The following SLC25A48 variants were observed in gnomAD, a reference collection of about 807,000 sequenced individuals.
SLC25A48 encodes the protein solute carrier family 25 member 48, also known as CTC-321K16.1.
Under a neutral mutation model 32.2 loss-of-function variants are expected in SLC25A48, and 29 were observed. That is an observed-to-expected ratio of 0.90 (90% CI 0.67 to 1.23). SLC25A48 has a LOEUF of 1.23. Among genes scored for constraint, SLC25A48 ranks in the 50% most tolerant of loss-of-function variants. SLC25A48 has a pLI of 0.00. For missense variants in SLC25A48, 399 were observed against 422.7 expected (o/e 0.94, Z 0.49); for synonymous variants, 164 against 172.3 (o/e 0.95, Z 0.38).
intron 1 of SLC25A48, among the ~76,000 whole-genome samples, chr5:135,626,127 G>A (rs1355876883): frequency 6.6e-6 from 1 of 152,236 alleles, no homozygotes; most frequent in Non-Finnish European, 1.5e-5. Context: ...GCGAGGCTGG[G>A]ACGCCAAGGG....
At chr5:135,785,673 G>C (rs1446487843) in intron 3 of SLC25A48, among the ~76,000 whole-genome samples, 3 of 150,910 alleles carry the variant, frequency 2.0e-5, no homozygotes, top group African/African-American at 4.9e-5. Context: ...GGAGAGGGGG[G>C]TGGAACACCC....
At position 135,646,678 on chromosome 5, in the gene SLC25A48, T is replaced by TATATATATATATATACACACAC. The variant is rs966073970; in HGVS notation, c.-521+11723_-521+11724insTATATATATATATACACACACA. Among the ~76,000 whole-genome samples, 6 of 136,752 alleles carry TATATATATATATATACACACAC rather than the reference T, an allele frequency of 4.4e-5. 1 individual carries two copies. The highest frequency in any genetic ancestry group is 1.6e-4 in the African/African-American group (6 of 36,428). The allele number at this position is 136,752 out of a possible 152,430, so 89.7% of individuals were successfully genotyped here. On this transcript the variant is annotated intron_variant, in intron 3 of 10. Transcript: ENST00000646290. ...TTCCCATTATATATATATATATATA[T>TATATATATATATATACACACAC]ACAATGGGAAGGACATAATGCTAAG...
chr5:135,619,402 C>A (rs1387916936), intron 1 of SLC25A48, among the ~76,000 whole-genome samples: 2 of 151,922 alleles, frequency 1.3e-5, no homozygotes, highest in South Asian at 4.2e-4. Context: ...CTCTTTCATA[C>A]CTTATTTTTC....
chr5:135,740,426 C>T (rs1755474565), intron 3 of SLC25A48, among the ~76,000 whole-genome samples: 1 of 152,076 alleles, frequency 6.6e-6, no homozygotes, highest in Non-Finnish European at 1.5e-5. Context: ...AACTCCTGAC[C>T]TCAAGTGATC....
chr5:135,882,599 C>G (rs912404038), intron 7 of SLC25A48, among the ~76,000 whole-genome samples: 3 of 152,156 alleles, frequency 2.0e-5, no homozygotes, highest in African/African-American at 7.2e-5. Flanking sequence ...CTTCCAACAA[C>G]CAGGCATGGA....
intron 3 of SLC25A48, among the ~76,000 whole-genome samples, chr5:135,681,968 A>G (rs1029257794): frequency 2.0e-5 from 3 of 152,280 alleles, no homozygotes; most frequent in Admixed American, 6.5e-5. Flanking sequence ...TCCTGGACTC[A>G]GGTAGTTTCT....
At chr5:135,691,452 G>A (rs573636031) in intron 3 of SLC25A48, among the ~76,000 whole-genome samples, 9 of 152,306 alleles carry the variant, frequency 5.9e-5, no homozygotes, top group Middle Eastern at 3.4e-3. Context: ...GGGCAGCTTG[G>A]TGTTGCTCTA....
intron 3 of SLC25A48, among the ~76,000 whole-genome samples, chr5:135,763,550 G>A (rs577814338): frequency 5.3e-5 from 8 of 152,090 alleles, no homozygotes; most frequent in Admixed American, 3.3e-4. Context: ...AGGAGGAGGG[G>A]AAGAAAGAGG....
rs34345064 is a variant in SLC25A48, at chr5:135,600,848, ATT to A, written c.-849+21265_-849+21266del. Among the ~76,000 whole-genome samples, 933 of 132,826 alleles carry A rather than the reference ATT, an allele frequency of 7.0e-3. 10 individuals are homozygous for A. The highest frequency in any genetic ancestry group is 0.022 in the African/African-American group (825 of 37,064). 87.1% of individuals were successfully genotyped at this position (132,826 alleles called of 152,430 possible). A position where few individuals can be genotyped will look rare whatever the true frequency, so the allele number is the denominator to read the frequency against. On this transcript the variant is annotated intron_variant, in intron 1 of 10. Coordinates refer to the SLC25A48 transcript ENST00000646290. ...CAGGTACGTGCCACCATGCCCGGGTATTTTTTTTTTTTTTTGTATTTTTAGTA... is the reference window on the plus strand; with the variant it reads ...CAGGTACGTGCCACCATGCCCGGGTATTTTTTTTTTTTTGTATTTTTAGTA...
intron 3 of SLC25A48, among the ~76,000 whole-genome samples, chr5:135,639,959 A>G (rs527723121): frequency 6.6e-6 from 1 of 152,306 alleles, no homozygotes; most frequent in South Asian, 2.1e-4. Context: ...AAAAATAAAA[A>G]CCATAAGGCA....
rs146589287 is a variant in SLC25A48, at chr5:135,608,156, C to T, written c.-848-21081C>T. Among the ~76,000 whole-genome samples the T allele has an allele frequency of 2.6e-3, 397 of 152,326 alleles. 3 individuals are homozygous for T. Among genetic ancestry groups the T allele is most frequent in the African/African-American group, 9.2e-3 (383 of 41,576 alleles). On this transcript the variant is annotated intron_variant, in intron 1 of 10. Coordinates refer to the SLC25A48 transcript ENST00000646290. The stretch of plus-strand genomic sequence containing the variant: ...TTGTTGCCTTAGTTAGAGTGACATA[C>T]ACCTGGTTTGCCCAGACAGTCCTGA...
At chr5:135,855,488 A>G (rs1293747958) in intron 4 of SLC25A48, among the ~76,000 whole-genome samples, 1 of 152,236 alleles carries the variant, frequency 6.6e-6, no homozygotes, top group Non-Finnish European at 1.5e-5. Context: ...CAGATGAGAA[A>G]ACAGGCTCCC....
chr5:135,816,203 G>T (rs1044872959), intron 4 of SLC25A48, among the ~76,000 whole-genome samples: 2 of 152,132 alleles, frequency 1.3e-5, no homozygotes, highest in African/African-American at 2.4e-5. Flanking sequence ...CTCCCACCAG[G>T]TTCCTCCCTC....
rs371969525 is a variant in SLC25A48 at position 135,879,583 on chromosome 5, G to GGA, written c.814-357_814-356dup. ...CTACTCAGGGCTTCTAGATTCCCGA[G>GGA]GAGAGAGAGAGAGAGAGAGAGAGAG... On this transcript the variant is annotated intron_variant, in intron 6 of 7. Transcript: ENST00000681962. 9.7e-3 allele frequency among the ~76,000 whole-genome samples: 1,392 copies of GGA among 143,426 alleles called. 10 individuals carry two copies. Among genetic ancestry groups the GGA allele is most frequent in the Admixed American group, 0.013 (194 of 14,382 alleles). The allele number at this position is 143,426 out of a possible 152,430, so 94.1% of individuals were successfully genotyped here.
At chr5:135,787,853 G>A (rs4521468) in intron 3 of SLC25A48, among the ~76,000 whole-genome samples, 36,978 of 151,384 alleles carry the variant, frequency 0.24, 4,938 homozygotes, top group East Asian at 0.44. Context: ...ATCCTAGGTG[G>A]ATTTTACTCC....
At chr5:135,882,149 G>A (rs1762520756) in intron 7 of SLC25A48, among the ~76,000 whole-genome samples, 1 of 152,256 alleles carries the variant, frequency 6.6e-6, no homozygotes, top group Non-Finnish European at 1.5e-5. Flanking sequence ...ATAGATGTCT[G>A]TCTCCCTTAG....
At chr5:135,816,131 G>A (rs907828352) in intron 4 of SLC25A48, among the ~76,000 whole-genome samples, 5 of 152,102 alleles carry the variant, frequency 3.3e-5, no homozygotes, top group African/African-American at 9.7e-5. Context: ...ATCAGATCTC[G>A]TAAGAACTCC....
intron 3 of SLC25A48, among the ~76,000 whole-genome samples, chr5:135,768,541 G>T (rs751625764): frequency 2.6e-5 from 4 of 151,290 alleles, no homozygotes; most frequent in Non-Finnish European, 5.9e-5. Flanking sequence ...TCTTAATATC[G>T]CAGGGGGTAT....
At chr5:135,744,589 G>A (rs1561472674) in intron 3 of SLC25A48, among the ~76,000 whole-genome samples, 1 of 150,598 alleles carries the variant, frequency 6.6e-6, no homozygotes, top group East Asian at 2.0e-4. Flanking sequence ...CACCTGCCTC[G>A]GCCTCCTAAA....
Sources: gnomAD v4.1 joint callset for allele counts (sites outside exome capture counted in the v4.1 genomes callset) on GRCh38, gnomAD v4.1.1 for gene constraint, MANE v1.5 for transcripts, NCBI Gene and HGNC (gene_info 2026-07-23, HGNC 2026-07-21) for gene names.